Variants in MAGI1 observed in about 807,000 individuals in gnomAD.
MAGI1 encodes membrane-associated guanylate kinase, WW and PDZ domain-containing protein 1.
Under a neutral mutation model 139.9 loss-of-function variants are expected in MAGI1, and 58 were observed. That is an observed-to-expected ratio of 0.41 (90% CI 0.34 to 0.52). The LOEUF (loss-of-function observed/expected upper bound fraction) is 0.52, where lower values mean the gene tolerates loss of function less well. Ranked by LOEUF, MAGI1 falls within the 20% of genes least tolerant of loss-of-function variation. The pLI, the probability that MAGI1 is intolerant of heterozygous loss-of-function variation, is 0.12. For missense variants in MAGI1, 1,874 were observed against 1,901.6 expected, an observed-to-expected ratio of 0.99 and a Z score of 0.27; for synonymous variants, 812 against 737.9, an observed-to-expected ratio of 1.10 and a Z score of -1.63.
intron 2 of MAGI1, among the ~76,000 whole-genome samples, chr3:65,500,874 G>T (rs1461677630): frequency 6.6e-6 from 1 of 152,182 alleles, no homozygotes; most frequent in African/African-American, 2.4e-5. Context: ...CACTGCAACT[G>T]CTTACGTGTT....
chr3:65,539,847 C>G (rs1330673116), intron 2 of MAGI1, among the ~76,000 whole-genome samples: 2 of 152,166 alleles, frequency 1.3e-5, no homozygotes, highest in African/African-American at 2.4e-5. Flanking sequence ...GTGCATTTTC[C>G]TTCTTAGCCT....
intron 1 of MAGI1, among the ~76,000 whole-genome samples, chr3:65,753,515 A>C (rs1334908030): frequency 1.3e-5 from 2 of 151,996 alleles, no homozygotes; most frequent in African/African-American, 4.8e-5. Context: ...GAGGTTCAGG[A>C]GTTCGAGACC....
chr3:65,984,512 A>ATGTG (rs34046056), intron 1 of MAGI1, among the ~76,000 whole-genome samples: 2,791 of 140,444 alleles, frequency 0.02, 40 homozygotes, highest in Middle Eastern at 0.043. Flanking sequence ...TCAAAATAAA[A>ATGTG]TGTGTGTGTG....
At chr3:65,903,945 T>A (rs1160672996) in intron 1 of MAGI1, among the ~76,000 whole-genome samples, 4 of 151,748 alleles carry the variant, frequency 2.6e-5, no homozygotes, top group Admixed American at 6.6e-5. Context: ...AAGGTGGAGG[T>A]TGCAGTGAGC....
intron 2 of MAGI1, among the ~76,000 whole-genome samples, chr3:65,551,611 A>G (rs1012900094): frequency 2.0e-5 from 3 of 152,188 alleles, no homozygotes; most frequent in Non-Finnish European, 4.4e-5. Flanking sequence ...ACTTTCCTTT[A>G]TAAATTACCC....
At chr3:65,705,178 A>C (rs1360042766) in intron 1 of MAGI1, among the ~76,000 whole-genome samples, 1 of 152,174 alleles carries the variant, frequency 6.6e-6, no homozygotes, top group Admixed American at 6.5e-5. Context: ...GAAGAAAAAA[A>C]AATTTCTAAG....
At chr3:65,479,642 A>G (rs1428037692) in intron 3 of MAGI1, among the ~76,000 whole-genome samples, 1 of 152,208 alleles carries the variant, frequency 6.6e-6, no homozygotes, top group Non-Finnish European at 1.5e-5. Context: ...GCAATACTTT[A>G]AAAAATTGAC....
chr3:65,951,394 T>C (rs1364336877), intron 1 of MAGI1, among the ~76,000 whole-genome samples: 1 of 152,242 alleles, frequency 6.6e-6, no homozygotes, highest in Non-Finnish European at 1.5e-5. Context: ...CTGAATCTAC[T>C]TTTTCAGTGA....
intron 1 of MAGI1, among the ~76,000 whole-genome samples, chr3:65,647,108 A>C (rs1429856513): frequency 2.0e-5 from 3 of 152,140 alleles, no homozygotes; most frequent in Non-Finnish European, 4.4e-5. Context: ...AACAATTGAT[A>C]AACTTCTAGC....
At chr3:66,035,368 C>A (rs1488124066) in intron 1 of MAGI1, among the ~76,000 whole-genome samples, 1 of 152,162 alleles carries the variant, frequency 6.6e-6, no homozygotes, top group Admixed American at 6.5e-5. Context: ...GCAAACAACA[C>A]AAAAGTAGTA....
At chr3:65,570,073 C>CATTATTATT (rs57902043) in intron 2 of MAGI1, among the ~76,000 whole-genome samples, 50 of 136,358 alleles carry the variant, frequency 3.7e-4, no homozygotes, top group Admixed American at 9.1e-4. Flanking sequence ...TCTTTATTAT[C>CATTATTATT]ATTATTATTA....
chr3:65,412,607 C>T (rs1191648871), intron 12 of MAGI1, among the ~76,000 whole-genome samples: 1 of 152,152 alleles, frequency 6.6e-6, no homozygotes, highest in East Asian at 1.9e-4. Context: ...TATGAATGTG[C>T]AGAGCTCATG....
At chr3:65,396,298 T>C (rs1004484851) in intron 13 of MAGI1, among the ~76,000 whole-genome samples, 2 of 152,190 alleles carry the variant, frequency 1.3e-5, no homozygotes, top group Admixed American at 6.5e-5. Context: ...TCTCAATTCA[T>C]AGCCAACTAG....
chr3:65,530,655 G>A (rs867318685), intron 2 of MAGI1, among the ~76,000 whole-genome samples: 1,949 of 75,976 alleles, frequency 0.026, 96 homozygotes, highest in African/African-American at 0.084. Flanking sequence ...GTGTGTGTGT[G>A]TGTGTGTATA....
At chr3:65,595,783 G>A (rs2082162133) in intron 2 of MAGI1, among the ~76,000 whole-genome samples, 1 of 107,338 alleles carries the variant, frequency 9.3e-6, no homozygotes, top group Admixed American at 1.5e-4. Context: ...GAAGCAAATG[G>A]GTAAGCTTCC....
intron 1 of MAGI1, among the ~76,000 whole-genome samples, chr3:65,712,048 A>C (rs1327987754): frequency 2.6e-5 from 4 of 152,162 alleles, no homozygotes; most frequent in African/African-American, 9.7e-5. Flanking sequence ...GTGTTTCTCC[A>C]AAGTGCCTAG....
At chr3:65,757,403 G>A (rs1237311976) in intron 1 of MAGI1, among the ~76,000 whole-genome samples, 2 of 152,188 alleles carry the variant, frequency 1.3e-5, no homozygotes, top group Non-Finnish European at 1.5e-5. Context: ...CCAACACATT[G>A]GGAGGCTGAG....
chr3:65,989,339 G>C (rs564049797), intron 1 of MAGI1, among the ~76,000 whole-genome samples: 1 of 152,152 alleles, frequency 6.6e-6, no homozygotes, highest in African/African-American at 2.4e-5. Flanking sequence ...CTTTTTAGAA[G>C]TTCTGTACTC....
rs150925801 is a variant in MAGI1 at position 65,909,971 on chromosome 3, T to A, written c.313+128025A>T. Among the ~76,000 whole-genome samples the A allele has an allele frequency of 2.0e-5, 3 of 152,222 alleles. No individual in the cohort carries two copies. In the East Asian group the frequency reaches 5.8e-4, roughly 30 times the overall value. On this transcript the variant is annotated intron_variant, in intron 1 of 22. Coordinates refer to ENST00000402939, the MANE Select transcript of MAGI1 (RefSeq NM_001033057.2). The stretch of plus-strand genomic sequence containing the variant: ...AGCGCACAACTAGATCCCTCACATG[T>A]GCAGTTCACAACAGGGTTCACACTC...
Sources: gnomAD v4.1 joint callset for allele counts (sites outside exome capture counted in the v4.1 genomes callset) on GRCh38, gnomAD v4.1.1 for gene constraint, MANE v1.5 for transcripts, NCBI Gene and HGNC (gene_info 2026-07-23, HGNC 2026-07-21) for gene names.